The following COL28A1 variants were observed in gnomAD, a reference collection of about 807,000 sequenced individuals.
COL28A1 encodes collagen alpha-1(XXVIII) chain.
Under a neutral mutation model 150.2 loss-of-function variants are expected in COL28A1, and 161 were observed. The ratio of observed to expected loss-of-function variants is 1.07; its 90% CI spans 0.94 to 1.22. The LOEUF (loss-of-function observed/expected upper bound fraction) is 1.22. COL28A1 is among the 50% of genes most tolerant of loss of function. The pLI is 0.00. For synonymous variants in COL28A1, 552 were observed against 469.7 expected (o/e 1.18, Z -2.26); for missense variants, 1,617 against 1,388.3 (o/e 1.16, Z -2.62).
At chr7:7,367,614 C>T (rs184712942) in intron 33 of COL28A1, among the ~76,000 whole-genome samples, 20 of 152,146 alleles carry the variant, frequency 1.3e-4, no homozygotes, top group Admixed American at 9.8e-4. Flanking sequence ...ATTTTTCTTA[C>T]GTCCTCCCCT....
chr7:7,453,512 T>TA lies in COL28A1; in HGVS notation c.1372-5dup. On this transcript the variant is annotated splice_polypyrimidine_tract_variant and splice_region_variant and intron_variant, in intron 16 of 34. Transcript: ENST00000399429. ...GACCAATAGGACCTTGGATTCCCTT[T>TA]AAAATAAAATTTTATAAAATAGTGT... 9.6e-7 allele frequency: 1 copy of TA among 1,042,944 alleles called. No individual in the cohort carries two copies. The highest frequency in any genetic ancestry group is 1.5e-6 in the Non-Finnish European group (1 of 668,744). 64.6% of individuals were successfully genotyped at this position (1,042,944 alleles called of 1,614,324 possible). A position where few individuals can be genotyped will look rare whatever the true frequency, so the allele number is the denominator to read the frequency against.
intron 18 of COL28A1, among the ~76,000 whole-genome samples, chr7:7,451,279 G>T (rs1462832575): frequency 6.6e-6 from 1 of 151,618 alleles, no homozygotes; most frequent in African/African-American, 2.4e-5. Context: ...AGGCTGGAGT[G>T]CAGTGGCGCG....
chr7:7,386,278 A>C (rs1350398840), intron 27 of COL28A1, among the ~76,000 whole-genome samples: 2 of 152,186 alleles, frequency 1.3e-5, no homozygotes, highest in Non-Finnish European at 1.5e-5. Flanking sequence ...TTTCTCAGTA[A>C]GGTGTGGTAA....
chr7:7,493,642 T>C (rs73352224), intron 11 of COL28A1, among the ~76,000 whole-genome samples: 3,343 of 152,230 alleles, frequency 0.022, 107 homozygotes, highest in African/African-American at 0.076. Flanking sequence ...TATTGGCCTA[T>C]AGCTCATGTT....
At chr7:7,449,520 A>G (rs1231203261) in intron 18 of COL28A1, among the ~76,000 whole-genome samples, 3 of 150,938 alleles carry the variant, frequency 2.0e-5, no homozygotes, top group Non-Finnish European at 4.4e-5. Context: ...AAGTGATCCT[A>G]GCAGTACAAA....
the COL28A1 span, among the ~76,000 whole-genome samples, chr7:7,342,124 G>C: frequency 6.6e-6 from 1 of 151,994 alleles, no homozygotes; most frequent in Non-Finnish European, 1.5e-5. Context: ...TATGTTATTA[G>C]ATACATACAA....
the COL28A1 span, among the ~76,000 whole-genome samples, chr7:7,541,674 G>A: frequency 6.6e-6 from 1 of 152,168 alleles, no homozygotes; most frequent in Non-Finnish European, 1.5e-5. Flanking sequence ...AATCGTCTGT[G>A]ATGCTGAACG....
downstream of COL28A1, among the ~76,000 whole-genome samples, chr7:7,355,050 C>T (rs1780316108): frequency 6.6e-6 from 1 of 151,918 alleles, no homozygotes; most frequent in South Asian, 2.1e-4. Context: ...AAGTGCCAGC[C>T]ACAAAAGGAA....
intron 32 of COL28A1, among the ~76,000 whole-genome samples, chr7:7,371,733 C>G (rs368968219): frequency 6.6e-6 from 1 of 152,204 alleles, no homozygotes; most frequent in Non-Finnish European, 1.5e-5. Flanking sequence ...AGATCAATGT[C>G]CTAGGATGGC....
At chr7:7,415,699 AATTTTTGT>A (rs1477194762) in intron 27 of COL28A1, among the ~76,000 whole-genome samples, 3 of 151,810 alleles carry the variant, frequency 2.0e-5, no homozygotes, top group Non-Finnish European at 4.4e-5. Flanking sequence ...ATGCCTGGCT[AATTTTTGT>A]ATTTTTAGTA....
chr7:7,447,469 A>T (rs1028305054), intron 18 of COL28A1, among the ~76,000 whole-genome samples: 13 of 151,806 alleles, frequency 8.6e-5, no homozygotes, highest in African/African-American at 2.9e-4. Context: ...TAGGCGTTCA[A>T]AAAGGCTGAA....
intron 3 of COL28A1, among the ~76,000 whole-genome samples, chr7:7,526,998 G>T (rs1400562101): frequency 6.6e-6 from 1 of 152,172 alleles, no homozygotes; most frequent in African/African-American, 2.4e-5. Context: ...TGCCTGATGT[G>T]TAATTTTATA....
chr7:7,510,736 C>A (rs974370146), intron 9 of COL28A1, among the ~76,000 whole-genome samples: 7 of 152,298 alleles, frequency 4.6e-5, no homozygotes, highest in African/African-American at 1.4e-4. Context: ...TTGGAAAGTG[C>A]CTGTTTTCAG....
rs1337956001 is a variant in COL28A1, at chr7:7,431,651, A to G, written c.1998+822T>C. Reference sequence around the variant, plus strand: ...GCCATGGGAAGTGTTCAAAGTCTGAAAGAGAAGCCACCAGGGTGTTTCTAG... The same window carrying G: ...GCCATGGGAAGTGTTCAAAGTCTGAGAGAGAAGCCACCAGGGTGTTTCTAG... On this transcript the variant is annotated intron_variant, in intron 25 of 34. Coordinates refer to ENST00000399429, the MANE Select transcript of COL28A1 (RefSeq NM_001037763.3). 1.1e-5 allele frequency: 5 copies of G among 470,886 alleles called. No individual in the cohort carries two copies. The East Asian group carries it at 3.5e-4, about 33-fold the overall frequency. The allele number at this position is 470,886 out of a possible 1,614,324, so 29.2% of individuals were successfully genotyped here.
chr7:7,355,212 A>C (rs1239217054), downstream of COL28A1, among the ~76,000 whole-genome samples: 1 of 152,232 alleles, frequency 6.6e-6, no homozygotes, highest in African/African-American at 2.4e-5. Flanking sequence ...AGGAAAAGAC[A>C]AACAATCCAA....
Position 7,467,541 on chromosome 7 carries a change from A to G in COL28A1, c.1302+7060T>C, listed in dbSNP as rs1266863191. 4.6e-4 allele frequency among the ~76,000 whole-genome samples: 3 copies of G among 6,458 alleles called. No individual in the cohort carries two copies. The East Asian group carries it at 8.0e-3, about 17-fold the overall frequency. 4.2% of individuals were successfully genotyped at this position (6,458 alleles called of 152,430 possible). A position where few individuals can be genotyped will look rare whatever the true frequency, so the allele number is the denominator to read the frequency against. ...TAACACCCCACTGTCAACATTAGACAGATCAACGAGACAGAAAGTCAACAA... is the reference window on the plus strand; with the variant it reads ...TAACACCCCACTGTCAACATTAGACGGATCAACGAGACAGAAAGTCAACAA... On this transcript the variant is annotated intron_variant, in intron 15 of 34. Transcript: ENST00000399429.
chr7:7,344,935 G>A, the COL28A1 span, among the ~76,000 whole-genome samples: 5 of 151,818 alleles, frequency 3.3e-5, no homozygotes, highest in Admixed American at 2.6e-4. Flanking sequence ...TTATTACAGC[G>A]CAAGATCAAA....
intron 15 of COL28A1, among the ~76,000 whole-genome samples, chr7:7,462,908 G>A (rs116621057): frequency 0.039 from 5,860 of 151,020 alleles, 414 homozygotes; most frequent in African/African-American, 0.14. Flanking sequence ...TGCTCTGGAA[G>A]CTCTCAGTAA....
At chr7:7,490,192 C>T (rs554446758) in intron 12 of COL28A1, among the ~76,000 whole-genome samples, 1 of 152,262 alleles carries the variant, frequency 6.6e-6, no homozygotes, top group South Asian at 2.1e-4. Context: ...ATTGCCATGG[C>T]CCTTCTGGTT....
Sources: allele counts gnomAD v4.1 joint callset (sites outside exome capture counted in the v4.1 genomes callset), GRCh38; gene constraint gnomAD v4.1.1; transcripts MANE v1.5; gene names NCBI Gene and HGNC (gene_info 2026-07-23, HGNC 2026-07-21).